The following IFT70A variants were observed in gnomAD, a reference collection of about 807,000 sequenced individuals.
IFT70A encodes intraflagellar transport 70A.
At chr2:177,617,889 T>C in the IFT70A span, 116 of 1,614,242 alleles carry the variant, frequency 7.2e-5, 1 homozygote, top group South Asian at 1.2e-3. Context: ...TGAGGGTTTC[T>C]TGAGCTACCT....
the IFT70A span, chr2:177,617,963 G>T: frequency 1.2e-6 from 2 of 1,614,164 alleles, no homozygotes; most frequent in Non-Finnish European, 1.7e-6. Context: ...AGAGCAGTCT[G>T]ATGGAGAACT....
At chr2:177,615,124 G>T in the IFT70A span, 1 of 152,184 alleles carries the variant, frequency 6.6e-6, no homozygotes, top group African/African-American at 2.4e-5. Flanking sequence ...GGATTGTGAA[G>T]TACATCATTA....
chr2:177,616,557 G>C, the IFT70A span: 1 of 694,864 alleles, frequency 1.4e-6, no homozygotes, highest in Non-Finnish European at 2.2e-6. Context: ...TGGATTAAAT[G>C]AAAAAGTTGC....
chr2:177,616,849 T>C, the IFT70A span: 2 of 1,596,256 alleles, frequency 1.3e-6, no homozygotes, highest in Middle Eastern at 1.7e-4. Flanking sequence ...AAGTTCACAG[T>C]GTCCTAAAAA....
the IFT70A span, chr2:177,614,084 T>A: frequency 6.6e-6 from 1 of 152,170 alleles, no homozygotes; most frequent in African/African-American, 2.4e-5. Flanking sequence ...GGTGGATCAA[T>A]CTTGGCCCAA....
the IFT70A span, chr2:177,618,263 C>T: frequency 6.2e-7 from 1 of 1,614,128 alleles, no homozygotes; most frequent in African/African-American, 1.3e-5. Context: ...CCTCCACTTT[C>T]TTCTCCCCCT....
the IFT70A span, chr2:177,618,712 G>T: frequency 6.5e-7 from 1 of 1,535,474 alleles, no homozygotes; most frequent in Non-Finnish European, 8.8e-7. Flanking sequence ...AACCACCACG[G>T]CTGTTATGCG....
chr2:177,617,726 G>A, the IFT70A span: 3 of 1,614,174 alleles, frequency 1.9e-6, no homozygotes, highest in East Asian at 4.5e-5. Context: ...AGCAGCAACA[G>A]GTTGCCAAAA....
At chr2:177,618,122 G>A in the IFT70A span, 2 of 1,614,270 alleles carry the variant, frequency 1.2e-6, no homozygotes, top group Admixed American at 3.3e-5. Context: ...GCCAAAGCCA[G>A]GTTGTAGGAA....
chr2:177,613,495 AGTG>A, the IFT70A span: 1 of 152,182 alleles, frequency 6.6e-6, no homozygotes, highest in East Asian at 1.9e-4. Context: ...TATACACTAT[AGTG>A]TATGGTTTTG....
At chr2:177,616,018 C>T in the IFT70A span, 4 of 150,620 alleles carry the variant, frequency 2.7e-5, no homozygotes, top group Admixed American at 6.6e-5. Context: ...TGAAGAAAAA[C>T]GTTTATTATA....
At chr2:177,615,378 C>T in the IFT70A span, 1 of 152,116 alleles carries the variant, frequency 6.6e-6, no homozygotes, top group Non-Finnish European at 1.5e-5. Flanking sequence ...AGTACAAAAA[C>T]TGAAAGAGGA....
the IFT70A span, chr2:177,617,610 G>C: frequency 6.2e-7 from 1 of 1,613,950 alleles, no homozygotes; most frequent in Non-Finnish European, 8.5e-7. Context: ...AAGTGATCAG[G>C]GCATCTAAGA....
the IFT70A span, chr2:177,617,311 A>G: frequency 3.8e-6 from 6 of 1,585,040 alleles, no homozygotes; most frequent in East Asian, 9.0e-5. Flanking sequence ...AACATGAGCC[A>G]CATTCAACTT....
the IFT70A span, chr2:177,614,767 T>C: frequency 3.8e-4 from 58 of 152,232 alleles, no homozygotes; most frequent in African/African-American, 5.1e-4. Flanking sequence ...GTAAGAAAGA[T>C]TGATTTTTCA....
the IFT70A span, chr2:177,617,038 C>G: frequency 6.2e-7 from 1 of 1,613,550 alleles, no homozygotes; most frequent in Non-Finnish European, 8.5e-7. Flanking sequence ...TCCTTTGGCA[C>G]AATAAAGAGT....
At chr2:177,616,909 G>C in the IFT70A span, 1 of 1,596,312 alleles carries the variant, frequency 6.3e-7, no homozygotes, top group Non-Finnish European at 8.5e-7. Context: ...CATGTGTTTT[G>C]ACATGTTTTC....
chr2:177,617,807 C>T, the IFT70A span: 3 of 1,614,134 alleles, frequency 1.9e-6, no homozygotes, highest in Non-Finnish European at 8.5e-7. Flanking sequence ...GGCCTGGCAT[C>T]CATGTTCATT....
At chr2:177,616,815 A>G in the IFT70A span, 3 of 1,601,166 alleles carry the variant, frequency 1.9e-6, no homozygotes, top group African/African-American at 2.7e-5. Flanking sequence ...GTTGTTCAAT[A>G]ACAGCAGGTA....
Sources: allele counts gnomAD v4.1 joint callset, GRCh38; gene constraint gnomAD v4.1.1; transcripts MANE v1.5; gene names NCBI Gene and HGNC (gene_info 2026-07-23, HGNC 2026-07-21).